HACD2: variants seen among roughly 807,000 people sequenced by gnomAD.
HACD2 encodes the protein 3-hydroxyacyl-CoA dehydratase 2, also known as very-long-chain (3R)-3-hydroxyacyl-CoA dehydratase 2.
A neutral mutation model predicts 31.0 loss-of-function variants in HACD2; 15 were observed. The observed-to-expected ratio is 0.48, with a 90% CI of 0.32 to 0.75. HACD2 has a LOEUF of 0.75. Among genes scored for constraint, HACD2 ranks in the 30% least tolerant of loss-of-function variants. The pLI is 0.03. For missense variants in HACD2, 283 were observed against 313.0 expected, an observed-to-expected ratio of 0.90 and a Z score of 0.72; for synonymous variants, 115 against 122.2, an observed-to-expected ratio of 0.94 and a Z score of 0.39.
chr3:123,516,967 C>T (rs554353649), intron 4 of HACD2, among the ~76,000 whole-genome samples: 4 of 152,322 alleles, frequency 2.6e-5, no homozygotes, highest in Admixed American at 2.6e-4. Context: ...TGTCCTGAGG[C>T]AAGTTACTTA....
At chr3:123,567,600 TTTCA>T in intron 3 of HACD2, among the ~76,000 whole-genome samples, 158 bp downstream of exon 3, 1 of 152,230 alleles carries the variant, frequency 6.6e-6, no homozygotes, top group Non-Finnish European at 1.5e-5. Flanking sequence ...GTACCTATGA[TTTCA>T]GAAACTGAAA....
At chr3:123,540,689 T>C (rs1051764752) in intron 3 of HACD2, among the ~76,000 whole-genome samples, 3 of 152,196 alleles carry the variant, frequency 2.0e-5, no homozygotes, top group Non-Finnish European at 2.9e-5. Context: ...TTAAACCAGA[T>C]TGTTAATTAG....
chr3:123,547,473 A>C (rs2056572984), intron 3 of HACD2, among the ~76,000 whole-genome samples: 1 of 152,250 alleles, frequency 6.6e-6, no homozygotes, highest in African/African-American at 2.4e-5. Flanking sequence ...CACTGAACAC[A>C]GCTCACAGGT....
Position 123,556,425 on chromosome 3 carries a change from A to T in HACD2, c.292+11337T>A, listed in dbSNP as rs142366348. On this transcript the variant is annotated intron_variant, in intron 3 of 6. Transcript: ENST00000383657. Reference sequence around the variant, plus strand: ...GCACTCCAGCCTGGGTGACAGAGCAAGACTCCGTCTCAAAAAAAAAAAAAA... The same window carrying T: ...GCACTCCAGCCTGGGTGACAGAGCATGACTCCGTCTCAAAAAAAAAAAAAA... Among the ~76,000 whole-genome samples the T allele has an allele frequency of 4.5e-3, 645 of 143,806 alleles. 4 individuals carry two copies. The highest frequency in any genetic ancestry group is 0.017 in the African/African-American group (628 of 35,894). The allele number at this position is 143,806 out of a possible 152,430, so 94.3% of individuals were successfully genotyped here.
At chr3:123,511,853 C>G (rs942558042) in intron 4 of HACD2, among the ~76,000 whole-genome samples, 3 of 152,096 alleles carry the variant, frequency 2.0e-5, no homozygotes, top group Non-Finnish European at 4.4e-5. Context: ...AAATCTGATC[C>G]CCAATGCTGG....
chr3:123,559,766 G>A (rs1209561263), intron 3 of HACD2, among the ~76,000 whole-genome samples: 3 of 152,198 alleles, frequency 2.0e-5, no homozygotes, highest in East Asian at 1.9e-4. Context: ...GGACAGCAGA[G>A]GATAAAATTC....
intron 4 of HACD2, among the ~76,000 whole-genome samples, chr3:123,525,560 G>T (rs942319466): frequency 6.6e-6 from 1 of 152,172 alleles, no homozygotes; most frequent in Non-Finnish European, 1.5e-5. Flanking sequence ...AGTCTAGTCT[G>T]AAAAGGTTAT....
chr3:123,576,437 T>G (rs2107757948), intron 2 of HACD2, among the ~76,000 whole-genome samples: 1 of 152,290 alleles, frequency 6.6e-6, no homozygotes, highest in South Asian at 2.1e-4. Context: ...TTTAATCAAG[T>G]TAGAGTTTTC....
chr3:123,504,414 T>G (rs1472555150), intron 4 of HACD2, among the ~76,000 whole-genome samples: 2 of 152,126 alleles, frequency 1.3e-5, no homozygotes, highest in Non-Finnish European at 2.9e-5. Context: ...AAGTAAGAGC[T>G]CAATAAATAA....
In HACD2 at chr3:123,494,012, C is replaced by T. The variant is rs1302744599; in HGVS notation, c.*876G>A. The T allele has an allele frequency of 2.0e-5, 3 of 152,174 alleles. No homozygotes were observed. Among genetic ancestry groups the T allele is most frequent in the South Asian group, 2.1e-4 (1 of 4,828 alleles). The allele number at this position is 152,174 out of a possible 1,614,324, so 9.4% of individuals were successfully genotyped here. A position where few individuals can be genotyped will look rare whatever the true frequency, so the allele number is the denominator to read the frequency against. ...GCCTCCTTTCCTATGTGACTGGATC[C>T]GCTTCTTCAGGGCCATCAGTGCATC... is the stretch of plus-strand genomic sequence containing the variant. On this transcript the variant is annotated 3_prime_UTR_variant, in exon 7 of 7. Coordinates refer to ENST00000383657, the MANE Select transcript of HACD2 (RefSeq NM_198402.5).
intron 3 of HACD2, among the ~76,000 whole-genome samples, chr3:123,553,841 T>C (rs2056645022): frequency 6.6e-6 from 1 of 152,012 alleles, no homozygotes; most frequent in Non-Finnish European, 1.5e-5. Flanking sequence ...ATGTTTTCTG[T>C]CAGGATCCAT....
intron 2 of HACD2, among the ~76,000 whole-genome samples, chr3:123,574,681 ATG>A (rs1029294010): frequency 1.5e-5 from 2 of 129,822 alleles, no homozygotes; most frequent in Non-Finnish European, 3.7e-5. Flanking sequence ...AAAAAATTAC[ATG>A]TTTCATGTGA....
chr3:123,559,687 A>G (rs2056707655), intron 3 of HACD2, among the ~76,000 whole-genome samples: 1 of 151,900 alleles, frequency 6.6e-6, no homozygotes, highest in Admixed American at 6.5e-5. Context: ...ATACTATCTC[A>G]TAGAGAAGGC....
At chr3:123,576,469 A>T (rs2056908579) in intron 2 of HACD2, among the ~76,000 whole-genome samples, 1 of 152,152 alleles carries the variant, frequency 6.6e-6, no homozygotes, top group South Asian at 2.1e-4. Context: ...ACACTGTTTG[A>T]GAAGCTGGTT....
intron 4 of HACD2, 91 bp from the exon 5 acceptor site, chr3:123,502,772 G>A (rs374153685): frequency 5.1e-5 from 69 of 1,359,260 alleles, no homozygotes; most frequent in East Asian, 1.3e-4. Flanking sequence ...GGAGTGAGTC[G>A]GCACAGCCGC....
At chr3:123,528,564 TAG>T (rs1465215352) in intron 3 of HACD2, 90 bp from the exon 4 acceptor site, 1 of 843,656 alleles carries the variant, frequency 1.2e-6, no homozygotes, top group African/African-American at 1.7e-5. Context: ...CTTAAATGTT[TAG>T]AGTCAAAACG....
intron 3 of HACD2, among the ~76,000 whole-genome samples, chr3:123,546,758 C>T (rs1484176321): frequency 6.6e-6 from 1 of 152,122 alleles, no homozygotes; most frequent in Non-Finnish European, 1.5e-5. Context: ...AAAATGAACT[C>T]AATATCTGAA....
intron 3 of HACD2, among the ~76,000 whole-genome samples, chr3:123,538,319 T>C (rs1399553112): frequency 6.6e-6 from 1 of 152,214 alleles, no homozygotes; most frequent in Non-Finnish European, 1.5e-5. Context: ...ATTTATAAGT[T>C]CTGTGGATTT....
intron 3 of HACD2, among the ~76,000 whole-genome samples, chr3:123,549,295 A>C (rs9831672): frequency 0.03 from 4,554 of 152,248 alleles, 74 homozygotes; most frequent in Middle Eastern, 0.088. Context: ...CTTTCTGAGC[A>C]GCCGTCATTA....
Sources: gnomAD v4.1 joint callset for allele counts (sites outside exome capture counted in the v4.1 genomes callset) on GRCh38, gnomAD v4.1.1 for gene constraint, MANE v1.5 for transcripts, NCBI Gene and HGNC (gene_info 2026-07-23, HGNC 2026-07-21) for gene names.